Variants in NTM observed in about 807,000 individuals in gnomAD.
NTM encodes IgLON family member 2.
Under a neutral mutation model 42.1 loss-of-function variants are expected in NTM, and 13 were observed. The observed-to-expected ratio is 0.31, with a 90% CI of 0.20 to 0.49. The LOEUF (loss-of-function observed/expected upper bound fraction) is 0.49. Among genes scored for constraint, NTM ranks in the 20% least tolerant of loss-of-function variants. The pLI, the probability that NTM is intolerant of heterozygous loss-of-function variation, is 0.99. For synonymous variants in NTM, 187 were observed against 179.2 expected (o/e 1.04, Z -0.35); for missense variants, 373 against 452.8 (o/e 0.82, Z 1.60).
rs188765195 is a variant in NTM at position 132,071,918 on chromosome 11, C to T, written c.168-74364C>T. ...TGGATCTAATAAAATCTTCTGTGCT[C>T]GTAACTCACACCTACCTGGATATTC... On this transcript the variant is annotated intron_variant, in intron 2 of 8. Coordinates refer to ENST00000683400, the MANE Select transcript of NTM (RefSeq NM_001352005.2). Among the ~76,000 whole-genome samples, 888 of 152,218 alleles carry T rather than the reference C, an allele frequency of 5.8e-3. 7 individuals are homozygous for T. The highest frequency in any genetic ancestry group is 0.021 in the African/African-American group (852 of 41,514).
intron 7 of NTM, among the ~76,000 whole-genome samples, chr11:132,322,212 C>T (rs1427231539): frequency 6.6e-6 from 1 of 152,084 alleles, no homozygotes; most frequent in Non-Finnish European, 1.5e-5. Flanking sequence ...CTAAATGCTA[C>T]AATTAAAAGA....
intron 1 of NTM, among the ~76,000 whole-genome samples, chr11:131,781,323 G>A (rs1218250092): frequency 1.3e-5 from 2 of 151,716 alleles, no homozygotes; most frequent in African/African-American, 4.8e-5. Context: ...GAACTCAGGA[G>A]AATTTAAGTT....
chr11:131,967,008 C>T (rs1233008344), intron 2 of NTM, among the ~76,000 whole-genome samples: 1 of 152,080 alleles, frequency 6.6e-6, no homozygotes, highest in Non-Finnish European at 1.5e-5. Context: ...AGAGCAATTC[C>T]AGGGCTTCTG....
In NTM at chr11:132,002,767, A is replaced by G. The variant is rs2069615143; in HGVS notation, c.167+91119A>G. ...CACTTCCTTACTCTGTCTCTTTATCAATAAACTCATTGGGAAAAGTGGAGG... is the reference window on the plus strand; with the variant it reads ...CACTTCCTTACTCTGTCTCTTTATCGATAAACTCATTGGGAAAAGTGGAGG... On this transcript the variant is annotated intron_variant, in intron 2 of 8. Transcript: ENST00000683400. The surrounding 1 kb of genome is among the most constrained non-coding windows in gnomAD (Gnocchi z 4.5). Among the ~76,000 whole-genome samples the G allele has an allele frequency of 6.6e-6, 1 of 152,152 alleles. No homozygotes were observed. The highest frequency in any genetic ancestry group is 2.4e-5 in the African/African-American group (1 of 41,426).
In NTM at chr11:131,773,473, C is replaced by T. The variant is rs115322175; in HGVS notation, c.83-138091C>T. Among the ~76,000 whole-genome samples, 563 of 152,186 alleles carry T rather than the reference C, an allele frequency of 3.7e-3. 5 individuals are homozygous for T. Among genetic ancestry groups the T allele is most frequent in the African/African-American group, 0.012 (517 of 41,530 alleles). On this transcript the variant is annotated intron_variant, in intron 1 of 8. Transcript: ENST00000683400. ...TTTAAAATTTTATTTATGAACTTTC[C>T]GTGGGTAAAGAAGTGAAGTGAGCCT...
At chr11:132,036,773 T>C (rs556319661) in intron 2 of NTM, among the ~76,000 whole-genome samples, 1 of 152,336 alleles carries the variant, frequency 6.6e-6, no homozygotes, top group Non-Finnish European at 1.5e-5. Context: ...TAACTCCTTG[T>C]TTTTATTAAT....
chr11:131,948,617 T>C (rs2060635857), intron 2 of NTM, among the ~76,000 whole-genome samples: 1 of 152,112 alleles, frequency 6.6e-6, no homozygotes, highest in African/African-American at 2.4e-5. Context: ...CCACAGGGCT[T>C]TTGTACTTGC....
chr11:132,134,429 C>T (rs921495623), intron 2 of NTM, among the ~76,000 whole-genome samples: 4 of 151,770 alleles, frequency 2.6e-5, no homozygotes, highest in Admixed American at 6.6e-5. Context: ...CACCTTCACT[C>T]GAGCAGTGTA....
At chr11:131,473,354 T>C (rs2136190675) in intron 1 of NTM, among the ~76,000 whole-genome samples, 1 of 152,236 alleles carries the variant, frequency 6.6e-6, no homozygotes, top group South Asian at 2.1e-4. Context: ...AGGGAGTCCA[T>C]GAGCAGAATG....
intron 1 of NTM, among the ~76,000 whole-genome samples, chr11:131,494,268 A>G (rs1955104394): frequency 6.6e-6 from 1 of 152,206 alleles, no homozygotes; most frequent in South Asian, 2.1e-4. Context: ...AAAATTACCA[A>G]TAAGCCATGA....
At position 131,678,479 on chromosome 11, in the gene NTM, G is replaced by C. The variant is rs1416649360; in HGVS notation, c.83-233085G>C. ...GGTCTTCTGAGTCCTGCTTGATCAT[G>C]GCAGAGAAAGAGGAGCATTTGAAAC... is the stretch of plus-strand genomic sequence containing the variant. On this transcript the variant is annotated intron_variant, in intron 1 of 8. Transcript: ENST00000683400. Among the ~76,000 whole-genome samples, 3 of 152,332 alleles carry C rather than the reference G, an allele frequency of 2.0e-5. 1 individual carries two copies. The highest frequency in any genetic ancestry group is 2.0e-4 in the Admixed American group (3 of 15,304).
chr11:131,993,547 A>G lies in NTM; in HGVS notation c.167+81899A>G, dbSNP rs138989953. ...GTTGTATATATAGGGATTCTGAGCTAAAGATAATGCTTTTGTAATCATTGT... is the reference window on the plus strand; with the variant it reads ...GTTGTATATATAGGGATTCTGAGCTGAAGATAATGCTTTTGTAATCATTGT... On this transcript the variant is annotated intron_variant, in intron 2 of 8. Coordinates refer to ENST00000683400, the MANE Select transcript of NTM (RefSeq NM_001352005.2). Among the ~76,000 whole-genome samples, 55 of 152,310 alleles carry G rather than the reference A, an allele frequency of 3.6e-4. 1 individual carries two copies. In the East Asian group the frequency reaches 7.9e-3, roughly 22 times the overall value.
Position 131,571,918 on chromosome 11 carries a change from C to G in NTM, c.82+201030C>G, listed in dbSNP as rs1045299371. Among the ~76,000 whole-genome samples, 3 of 152,208 alleles carry G rather than the reference C, an allele frequency of 2.0e-5. No individual in the cohort carries two copies. In the South Asian group the frequency reaches 6.2e-4, roughly 32 times the overall value. On this transcript the variant is annotated intron_variant, in intron 1 of 8. Transcript: ENST00000683400. ...ATGAAAAAAAGTGAAATCTGTCTTC[C>G]AAGATACCAGCTTTCTGTCTTGGGC...
intron 4 of NTM, among the ~76,000 whole-genome samples, chr11:132,247,947 C>T (rs1177798107): frequency 6.6e-6 from 1 of 152,148 alleles, no homozygotes; most frequent in Non-Finnish European, 1.5e-5. Context: ...GCTCTTAAAT[C>T]CTTGGATTTT....
chr11:132,150,465 C>T (rs1259100043), intron 3 of NTM, among the ~76,000 whole-genome samples: 3 of 152,128 alleles, frequency 2.0e-5, no homozygotes, highest in African/African-American at 4.8e-5. Flanking sequence ...AAGGGGTTAC[C>T]ATTATGGATC....
At chr11:132,261,486 G>T (rs1043088518) in intron 4 of NTM, among the ~76,000 whole-genome samples, 2 of 152,198 alleles carry the variant, frequency 1.3e-5, no homozygotes, top group Non-Finnish European at 2.9e-5. Flanking sequence ...ATACCAGTAG[G>T]GCATGCACTG....
intron 1 of NTM, among the ~76,000 whole-genome samples, chr11:131,476,262 G>A (rs192795658): frequency 5.3e-5 from 8 of 152,326 alleles, no homozygotes; most frequent in African/African-American, 1.7e-4. Context: ...GCTATCTACA[G>A]ACTACATATC....
At chr11:132,305,429 C>A (rs2095042697) in intron 4 of NTM, among the ~76,000 whole-genome samples, 1 of 152,220 alleles carries the variant, frequency 6.6e-6, no homozygotes, top group Non-Finnish European at 1.5e-5. Flanking sequence ...AATGCTGCGG[C>A]ACTGTTAATT....
intron 4 of NTM, among the ~76,000 whole-genome samples, chr11:132,236,997 C>CCTAGAGAGG (rs57519966): frequency 0.035 from 5,343 of 152,200 alleles, 322 homozygotes; most frequent in African/African-American, 0.12. Flanking sequence ...GTGCAGCAGC[C>CCTAGAGAGG]CTAGAGAGGA....
Sources: gnomAD v4.1 joint callset for allele counts (sites outside exome capture counted in the v4.1 genomes callset) on GRCh38, gnomAD v4.1.1 for gene constraint, Gnocchi (gnomAD v3.1) non-coding constraint, MANE v1.5 for transcripts, NCBI Gene and HGNC (gene_info 2026-07-23, HGNC 2026-07-21) for gene names.